The following COL23A1 variants were observed in gnomAD, a reference collection of about 807,000 sequenced individuals.
COL23A1 encodes the protein collagen type XXIII alpha 1 chain.
Under a neutral mutation model 99.3 loss-of-function variants are expected in COL23A1, and 97 were observed. The observed-to-expected ratio is 0.98, with a 90% confidence interval of 0.83 to 1.16. COL23A1 has a LOEUF of 1.16. Among genes scored for constraint, COL23A1 ranks in the 50% most tolerant of loss-of-function variants. The probability of loss-of-function intolerance (pLI) is 0.00; values close to 1 mark genes in which losing one functional copy is unlikely to be tolerated. For missense variants in COL23A1, 762 were observed against 757.4 expected, an observed-to-expected ratio of 1.01 and a Z score of -0.07; for synonymous variants, 320 against 308.2, an observed-to-expected ratio of 1.04 and a Z score of -0.40.
intron 5 of COL23A1, among the ~76,000 whole-genome samples, chr5:178,286,746 C>T (rs1318182432): frequency 6.6e-6 from 1 of 152,198 alleles, no homozygotes; most frequent in Non-Finnish European, 1.5e-5. Context: ...GACCCTGGCA[C>T]CTGCTCTGGT....
Position 178,313,853 on chromosome 5 carries a change from C to A in COL23A1, c.362-6934G>T, listed in dbSNP as rs1436446234. Among the ~76,000 whole-genome samples the A allele has an allele frequency of 6.6e-6, 1 of 152,166 alleles. No homozygotes were observed. Among genetic ancestry groups the A allele is most frequent in the Non-Finnish European group, 1.5e-5 (1 of 68,030 alleles). ...GGGGGTGCACCTTGAGCAGAGAAGG[C>A]AAGCGAGGTCCCTGGAAAAGAGCTT... On this transcript the variant is annotated intron_variant, in intron 2 of 28. Coordinates refer to ENST00000390654, the MANE Select transcript of COL23A1 (RefSeq NM_173465.4). The surrounding 1 kb of genome is among the most constrained non-coding windows in gnomAD (Gnocchi z 4.2).
intron 2 of COL23A1, among the ~76,000 whole-genome samples, chr5:178,363,718 G>A (rs1762303144): frequency 6.6e-6 from 1 of 152,176 alleles, no homozygotes; most frequent in African/African-American, 2.4e-5. Context: ...GGTGTCGGCT[G>A]CAGGTCTGAC....
rs201918087 is a variant in COL23A1, at chr5:178,422,825, TATAATTATAA to T, written c.362-115916_362-115907del. Among the ~76,000 whole-genome samples the T allele has an allele frequency of 7.2e-5, 11 of 152,282 alleles. No individual in the cohort carries two copies. In the East Asian group the frequency reaches 1.3e-3, roughly 19 times the overall value. ...TTATAATTGTAGTATAATTACTGAG[TATAATTATAA>T]ATAATTATAAATCATGATTATAGAT... On this transcript the variant is annotated intron_variant, in intron 2 of 28. Coordinates refer to ENST00000390654, the MANE Select transcript of COL23A1 (RefSeq NM_173465.4).
At chr5:178,346,245 G>T (rs1323706942) in intron 2 of COL23A1, among the ~76,000 whole-genome samples, 1 of 151,956 alleles carries the variant, frequency 6.6e-6, no homozygotes, top group Non-Finnish European at 1.5e-5. Flanking sequence ...TTGTTTGTTT[G>T]TTTTTTAAGA....
intron 3 of COL23A1, among the ~76,000 whole-genome samples, chr5:178,304,223 TTCTC>T (rs1490635060): frequency 1.3e-5 from 2 of 152,004 alleles, no homozygotes; most frequent in Non-Finnish European, 2.9e-5. Context: ...AAAAGAGCCT[TTCTC>T]TGTGGGCGCG....
intron 2 of COL23A1, among the ~76,000 whole-genome samples, chr5:178,318,252 T>C (rs1385364993): frequency 6.6e-6 from 1 of 152,266 alleles, no homozygotes; most frequent in Non-Finnish European, 1.5e-5. Flanking sequence ...TCAGAAGCAC[T>C]GCCTTTTGAA....
chr5:178,555,673 G>T (rs1762232799), intron 2 of COL23A1, among the ~76,000 whole-genome samples: 1 of 152,224 alleles, frequency 6.6e-6, no homozygotes, highest in South Asian at 2.1e-4. Context: ...AAGGGCCACA[G>T]TGACCCTTGG....
rs566462044 is a variant in COL23A1 at position 178,485,589 on chromosome 5, A to G, written c.361+75093T>C. Reference sequence around the variant, plus strand: ...GGAGTTCGAGACCAGCCTGGCCAACATGGTGAAACCCTGTCTCTACTAAAA... The same window carrying G: ...GGAGTTCGAGACCAGCCTGGCCAACGTGGTGAAACCCTGTCTCTACTAAAA... On this transcript the variant is annotated intron_variant, in intron 2 of 28. Coordinates refer to ENST00000390654, the MANE Select transcript of COL23A1 (RefSeq NM_173465.4). Among the ~76,000 whole-genome samples the G allele has an allele frequency of 3.3e-5, 5 of 152,270 alleles. No individual in the cohort carries two copies. In the South Asian group the frequency reaches 1.0e-3, roughly 32 times the overall value.
At chr5:178,375,160 A>G (rs2973720) in intron 2 of COL23A1, among the ~76,000 whole-genome samples, 55,853 of 151,878 alleles carry the variant, frequency 0.37, 10,818 homozygotes, top group African/African-American at 0.48. Context: ...AGTGACATGA[A>G]CCACAGAAGG....
rs62389447 is a variant in COL23A1 at position 178,468,550 on chromosome 5, C to T, written c.361+92132G>A. The stretch of plus-strand genomic sequence containing the variant: ...GCTCACACCCAGGCCTCACCCGGCC[C>T]CGTCCCTCTGAGCTGACCTCAGGCT... On this transcript the variant is annotated intron_variant, in intron 2 of 28. Transcript: ENST00000390654. This position sits in a 1 kb window ranked among gnomAD's most constrained non-coding sequence, Gnocchi z 4.2. Among the ~76,000 whole-genome samples, 22,129 of 152,022 alleles carry T rather than the reference C, an allele frequency of 0.15. 1,717 individuals carry two copies. Among genetic ancestry groups the T allele is most frequent in the Middle Eastern group, 0.18 (54 of 294 alleles).
chr5:178,456,453 C>A (rs961431897), intron 2 of COL23A1, among the ~76,000 whole-genome samples: 6 of 152,198 alleles, frequency 3.9e-5, no homozygotes, highest in Non-Finnish European at 7.3e-5. Flanking sequence ...AATCCCAGCA[C>A]TTTGAGAGGC....
At chr5:178,485,495 G>A (rs571385322) in intron 2 of COL23A1, among the ~76,000 whole-genome samples, 16 of 150,576 alleles carry the variant, frequency 1.1e-4, no homozygotes, top group South Asian at 2.1e-4. Context: ...AAAAAAGTCC[G>A]GGTGTGGTGG....
At chr5:178,345,711 G>C (rs372909640) in intron 2 of COL23A1, among the ~76,000 whole-genome samples, 7 of 150,792 alleles carry the variant, frequency 4.6e-5, no homozygotes, top group African/African-American at 4.9e-5. Context: ...TTTTTCAGTA[G>C]AGACAGGGTT....
At position 178,539,491 on chromosome 5, in the gene COL23A1, A is replaced by G. The variant is rs569662833; in HGVS notation, c.361+21191T>C. The stretch of plus-strand genomic sequence containing the variant: ...AACCCGGGAGGCGGAGGTTGCAGTG[A>G]GCTGAGATTGCGCCATTGCACTCCG... On this transcript the variant is annotated intron_variant, in intron 2 of 28. Coordinates refer to ENST00000390654, the MANE Select transcript of COL23A1 (RefSeq NM_173465.4). Among the ~76,000 whole-genome samples the G allele has an allele frequency of 2.2e-5, 3 of 136,478 alleles. No individual in the cohort carries two copies. The South Asian group carries it at 7.4e-4, about 34-fold the overall frequency. 89.5% of individuals were successfully genotyped at this position (136,478 alleles called of 152,430 possible). A position where few individuals can be genotyped will look rare whatever the true frequency, so the allele number is the denominator to read the frequency against.
At position 178,559,805 on chromosome 5, in the gene COL23A1, C is replaced by A. The variant is rs559856887; in HGVS notation, c.361+877G>T. 5.1e-5 allele frequency among the ~76,000 whole-genome samples: 7 copies of A among 138,072 alleles called. No homozygotes were observed. The South Asian group carries it at 1.7e-3, about 33-fold the overall frequency. The allele number at this position is 138,072 out of a possible 152,430, so 90.6% of individuals were successfully genotyped here. On this transcript the variant is annotated intron_variant, in intron 2 of 28. Coordinates refer to ENST00000390654, the MANE Select transcript of COL23A1 (RefSeq NM_173465.4). The stretch of plus-strand genomic sequence containing the variant: ...CCTGCACATCGAGAAGTCTGAGACA[C>A]ATCACCCAAAAGTCACCTTTCCCTG...
intron 2 of COL23A1, among the ~76,000 whole-genome samples, chr5:178,524,024 C>T (rs1760169116): frequency 6.6e-6 from 1 of 152,214 alleles, no homozygotes; most frequent in Non-Finnish European, 1.5e-5. Flanking sequence ...TGCGGGGACA[C>T]TGGTTCTGTG....
chr5:178,441,043 A>G (rs906480471), intron 2 of COL23A1, among the ~76,000 whole-genome samples: 9 of 152,188 alleles, frequency 5.9e-5, no homozygotes, highest in African/African-American at 2.2e-4. Context: ...GCACTCCTTG[A>G]GGGCAGGGGC....
In COL23A1 at chr5:178,421,827, T is replaced by C. The variant is rs141924464; in HGVS notation, c.362-114908A>G. 3.4e-3 allele frequency among the ~76,000 whole-genome samples: 521 copies of C among 152,258 alleles called. 3 individuals carry two copies. Among genetic ancestry groups the C allele is most frequent in the African/African-American group, 0.012 (501 of 41,546 alleles). On this transcript the variant is annotated intron_variant, in intron 2 of 28. Transcript: ENST00000390654. The stretch of plus-strand genomic sequence containing the variant: ...GAAGTTGCAGTGAGCTGAGATGGCG[T>C]CATTGCACTCTAAGCCTGGGCAACA...
At chr5:178,266,867 T>C (rs1755933250) in intron 8 of COL23A1, among the ~76,000 whole-genome samples, 1 of 152,240 alleles carries the variant, frequency 6.6e-6, no homozygotes, top group African/African-American at 2.4e-5. Context: ...GTGGGGGCTG[T>C]TCCCCCATTC....
Sources: allele counts gnomAD v4.1 joint callset (sites outside exome capture counted in the v4.1 genomes callset), GRCh38; gene constraint gnomAD v4.1.1; non-coding constraint Gnocchi (gnomAD v3.1); transcripts MANE v1.5; gene names NCBI Gene and HGNC (gene_info 2026-07-23, HGNC 2026-07-21).